Variants in PCDHA1 observed in about 807,000 individuals in gnomAD.
PCDHA1 encodes the protein protocadherin alpha 1.
A neutral mutation model predicts 61.3 loss-of-function variants in PCDHA1; 42 were observed. The observed-to-expected ratio is 0.69, with a 90% CI of 0.54 to 0.89. The LOEUF is 0.89. Among genes scored for constraint, PCDHA1 ranks in the 40% least tolerant of loss-of-function variants. The probability of loss-of-function intolerance (pLI) is 0.00; values close to 1 mark genes in which losing one functional copy is unlikely to be tolerated. For synonymous variants in PCDHA1, 610 were observed against 553.8 expected, an observed-to-expected ratio of 1.10 and a Z score of -1.43; for missense variants, 1,256 against 1,235.3, an observed-to-expected ratio of 1.02 and a Z score of -0.25.
intron 1 of PCDHA1, among the ~76,000 whole-genome samples, chr5:140,878,324 A>C (rs1298317950): frequency 4.6e-5 from 7 of 152,210 alleles, no homozygotes; most frequent in Admixed American, 1.3e-4. Context: ...TTTTCACATT[A>C]TATTCCAGGT....
intron 1 of PCDHA1, among the ~76,000 whole-genome samples, chr5:140,900,088 G>C (rs545975836): frequency 6.6e-6 from 1 of 152,240 alleles, no homozygotes; most frequent in African/African-American, 2.4e-5. Context: ...GCAGTTACAA[G>C]CATGCGCCAC....
chr5:140,869,504 C>A (rs959374162), intron 1 of PCDHA1: 5 of 1,614,200 alleles, frequency 3.1e-6, no homozygotes, highest in Non-Finnish European at 4.2e-6. Flanking sequence ...CCGGTGTTCT[C>A]GCTCAGAGAA....
intron 1 of PCDHA1, chr5:140,967,750 C>A (rs782284231): frequency 1.4e-5 from 22 of 1,614,072 alleles, no homozygotes; most frequent in Non-Finnish European, 1.7e-6. Flanking sequence ...ATGAGGAAGC[C>A]TCCTCCTACC....
rs11350929 is a variant in PCDHA1, at chr5:140,972,660, ATTT to A, written c.2395-6269_2395-6267del. Among the ~76,000 whole-genome samples, 687 of 117,242 alleles carry A rather than the reference ATTT, an allele frequency of 5.9e-3. 9 individuals carry two copies. Among genetic ancestry groups the A allele is most frequent in the African/African-American group, 0.021 (630 of 30,162 alleles). 76.9% of individuals were successfully genotyped at this position (117,242 alleles called of 152,430 possible). A position where few individuals can be genotyped will look rare whatever the true frequency, so the allele number is the denominator to read the frequency against. On this transcript the variant is annotated intron_variant, in intron 1 of 3. Coordinates refer to ENST00000504120, the MANE Select transcript of PCDHA1 (RefSeq NM_018900.4). ...CAGAGTCTCCATAAAAAGAAACCAAATTTTTTTTTTTTTTTTTTTTTTGAGATG... is the reference window on the plus strand; with the variant it reads ...CAGAGTCTCCATAAAAAGAAACCAAATTTTTTTTTTTTTTTTTTTGAGATG...
At chr5:140,802,174 G>A (rs148196865) in intron 1 of PCDHA1, 4 of 1,614,192 alleles carry the variant, frequency 2.5e-6, no homozygotes, top group Non-Finnish European at 3.4e-6. Context: ...ACGGATAAAG[G>A]AAATCCCCCA....
intron 1 of PCDHA1, chr5:140,814,776 G>T (rs1400006527): frequency 2.0e-5 from 3 of 152,064 alleles, no homozygotes; most frequent in African/African-American, 4.8e-5. Context: ...GTCTGTTATT[G>T]GTTGAAACGT....
chr5:140,843,494 G>A, intron 1 of PCDHA1: 1 of 1,596,028 alleles, frequency 6.3e-7, no homozygotes, highest in Non-Finnish European at 8.6e-7. Context: ...GCGGTGCTCA[G>A]CACTGCCCAC....
rs1235174178 is a variant in PCDHA1 at position 140,803,674 on chromosome 5, A to C, written c.2394+14990A>C. The C allele has an allele frequency of 1.9e-6, 3 of 1,595,422 alleles. No homozygotes were observed. In the African/African-American group the frequency reaches 4.0e-5, roughly 22 times the overall value. On this transcript the variant is annotated intron_variant, in intron 1 of 3. Coordinates refer to ENST00000504120, the MANE Select transcript of PCDHA1 (RefSeq NM_018900.4). ...TCCACTCCTCTGGAAATACATTAAT[A>C]GTTAAGTATGAATTATGTGATTCAT...
chr5:140,843,886 T>A, intron 1 of PCDHA1: 1 of 704,592 alleles, frequency 1.4e-6, no homozygotes, highest in Non-Finnish European at 2.3e-6. Context: ...CATAATACAG[T>A]ATTAATCATT....
At chr5:140,828,538 TTC>T in intron 1 of PCDHA1, 1 of 1,614,218 alleles carries the variant, frequency 6.2e-7, no homozygotes, top group East Asian at 2.2e-5. Flanking sequence ...GGCTGCCAGA[TTC>T]TGTGTTTCCA....
At chr5:140,943,200 G>A (rs2093432800) in intron 1 of PCDHA1, among the ~76,000 whole-genome samples, 1 of 140,910 alleles carries the variant, frequency 7.1e-6, no homozygotes, top group Non-Finnish European at 1.5e-5. Context: ...GGAGGCTGCA[G>A]TAAGCCAAGA....
At position 140,929,021 on chromosome 5, in the gene PCDHA1, G is replaced by C. The variant is rs782118774; in HGVS notation, c.2395-49928G>C. On this transcript the variant is annotated intron_variant, in intron 1 of 3. Coordinates refer to ENST00000504120, the MANE Select transcript of PCDHA1 (RefSeq NM_018900.4). ...TTCGTGTGTACCAAGTTGCACCAGA[G>C]CCCAGGCTGTTGCGCTCAGAGCTGC... is the stretch of plus-strand genomic sequence containing the variant. The C allele has an allele frequency of 2.5e-6, 4 of 1,614,072 alleles. No individual in the cohort carries two copies. The African/African-American group carries it at 5.3e-5, about 22-fold the overall frequency.
At chr5:140,850,016 C>T (rs2150463409) in intron 1 of PCDHA1, 1 of 1,596,912 alleles carries the variant, frequency 6.3e-7, no homozygotes, top group Non-Finnish European at 8.6e-7. Context: ...TGTCGAGCTA[C>T]GTGTCAGTGC....
intron 1 of PCDHA1, chr5:140,884,600 C>T: frequency 6.2e-7 from 1 of 1,614,150 alleles, no homozygotes; most frequent in Non-Finnish European, 8.5e-7. Flanking sequence ...CAGCCTTCCT[C>T]CTTGTCTGGG....
At chr5:140,818,501 A>G (rs1442047621) in intron 1 of PCDHA1, among the ~76,000 whole-genome samples, 1 of 152,242 alleles carries the variant, frequency 6.6e-6, no homozygotes, top group African/African-American at 2.4e-5. Flanking sequence ...CTTGGATTTT[A>G]AAATCAGATA....
At chr5:140,815,474 C>T (rs1440503141) in intron 1 of PCDHA1, 1 of 152,080 alleles carries the variant, frequency 6.6e-6, no homozygotes, top group Non-Finnish European at 1.5e-5. Context: ...ATGTTTACTT[C>T]TCCCCTACCC....
Position 140,803,409 on chromosome 5 carries a change from A to G in PCDHA1, c.2394+14725A>G. ...AGGCGACTGTGGGCCGGGCAAGCCC[A>G]CGCTGGTGTGCTCCAGCGCGGTGGG... On this transcript the variant is annotated intron_variant, in intron 1 of 3. Coordinates refer to ENST00000504120, the MANE Select transcript of PCDHA1 (RefSeq NM_018900.4). The G allele has an allele frequency of 1.2e-6, 2 of 1,614,204 alleles. No homozygotes were observed. Among genetic ancestry groups the G allele is most frequent in the African/African-American group, 2.7e-5 (2 of 75,060 alleles).
chr5:140,806,093 T>C lies in PCDHA1; in HGVS notation c.2394+17409T>C, dbSNP rs139590194. 9.4e-4 allele frequency among the ~76,000 whole-genome samples: 143 copies of C among 152,214 alleles called. 1 individual carries two copies. The highest frequency in any genetic ancestry group is 3.3e-3 in the African/African-American group (138 of 41,536). On this transcript the variant is annotated intron_variant, in intron 1 of 3. Coordinates refer to ENST00000504120, the MANE Select transcript of PCDHA1 (RefSeq NM_018900.4). ...CTGCAGTTTGTAAAAGAAGAAAAAA[T>C]ACCTGTTCAATTGGTTTGATCATGA... is the stretch of plus-strand genomic sequence containing the variant.
intron 3 of PCDHA1, among the ~76,000 whole-genome samples, chr5:140,983,533 G>A (rs1195364351): frequency 6.6e-6 from 1 of 152,208 alleles, no homozygotes; most frequent in Non-Finnish European, 1.5e-5. Flanking sequence ...TACATTGTAT[G>A]TGTGGTCTCA....
Sources: allele counts gnomAD v4.1 joint callset (sites outside exome capture counted in the v4.1 genomes callset), GRCh38; gene constraint gnomAD v4.1.1; transcripts MANE v1.5; gene names NCBI Gene and HGNC (gene_info 2026-07-23, HGNC 2026-07-21).